KCNH7: variants seen among roughly 807,000 people sequenced by gnomAD.
KCNH7 encodes the protein voltage-gated inwardly rectifying potassium channel KCNH7.
Under a neutral mutation model 120.8 loss-of-function variants are expected in KCNH7, and 49 were observed. The ratio of observed to expected loss-of-function variants is 0.41; its 90% CI spans 0.32 to 0.51. The LOEUF (loss-of-function observed/expected upper bound fraction) is 0.51. Among genes scored for constraint, KCNH7 ranks in the 20% least tolerant of loss-of-function variants. The pLI is 0.38. For synonymous variants in KCNH7, 547 were observed against 516.1 expected (o/e 1.06, Z -0.81); for missense variants, 1,097 against 1,446.6 (o/e 0.76, Z 3.92).
chr2:162,385,036 G>T, intron 12 of KCNH7, 97 bp from the exon 13 acceptor site: 2 of 913,932 alleles, frequency 2.2e-6, no homozygotes, highest in South Asian at 4.2e-5. Flanking sequence ...ATATAAACTA[G>T]CTTTTTCCTA....
At chr2:162,378,052 C>T (rs1686275208) in intron 14 of KCNH7, among the ~76,000 whole-genome samples, 1 of 152,126 alleles carries the variant, frequency 6.6e-6, no homozygotes, top group Admixed American at 6.6e-5. Flanking sequence ...AATTTTAGTT[C>T]TGATGAAAGG....
At chr2:162,650,339 T>C (rs796776378) in intron 2 of KCNH7, among the ~76,000 whole-genome samples, 5 of 152,326 alleles carry the variant, frequency 3.3e-5, no homozygotes, top group African/African-American at 7.2e-5. Context: ...TGTGAAGATA[T>C]GTATGAGCCA....
chr2:162,509,206 C>T (rs978224671), intron 5 of KCNH7, among the ~76,000 whole-genome samples: 16 of 151,400 alleles, frequency 1.1e-4, no homozygotes, highest in African/African-American at 2.9e-4. Context: ...AAAATTTATA[C>T]GATGAGGCTA....
chr2:162,597,076 C>T (rs765303670), intron 2 of KCNH7, among the ~76,000 whole-genome samples: 8 of 151,934 alleles, frequency 5.3e-5, no homozygotes, highest in Non-Finnish European at 1.2e-4. Flanking sequence ...GACAAAAGTC[C>T]GAGCCTTGTA....
chr2:162,748,843 C>G (rs1688415168), intron 2 of KCNH7, among the ~76,000 whole-genome samples: 1 of 95,286 alleles, frequency 1.0e-5, no homozygotes, highest in African/African-American at 4.6e-5. Flanking sequence ...CTCCTCTCCC[C>G]TCCCTCCCCT....
chr2:162,708,978 A>G (rs2105354680), intron 2 of KCNH7, among the ~76,000 whole-genome samples: 1 of 152,208 alleles, frequency 6.6e-6, no homozygotes, highest in African/African-American at 2.4e-5. Context: ...TAGTGCTACT[A>G]TTTAAGGAAT....
chr2:162,832,604 T>A (rs1373253751), intron 2 of KCNH7, among the ~76,000 whole-genome samples: 2 of 152,094 alleles, frequency 1.3e-5, no homozygotes, highest in Non-Finnish European at 2.9e-5. Flanking sequence ...ATTTAGAGGA[T>A]GGAAATGAAT....
At chr2:162,782,329 G>A (rs1301315120) in intron 2 of KCNH7, among the ~76,000 whole-genome samples, 3 of 152,138 alleles carry the variant, frequency 2.0e-5, no homozygotes, top group African/African-American at 7.2e-5. Context: ...GAAGTAAGGG[G>A]CACAGTTTTA....
intron 6 of KCNH7, among the ~76,000 whole-genome samples, chr2:162,460,027 G>T (rs1689093381): frequency 1.3e-5 from 2 of 150,202 alleles, no homozygotes; most frequent in South Asian, 4.2e-4. Flanking sequence ...CCGGGAGGTG[G>T]AGGTTACAGT....
At chr2:162,569,151 TCTGGTC>T (rs1335704432) in intron 2 of KCNH7, among the ~76,000 whole-genome samples, 1 of 151,964 alleles carries the variant, frequency 6.6e-6, no homozygotes, top group Admixed American at 6.6e-5. Flanking sequence ...TGTGAATCCA[TCTGGTC>T]CTGGACTCTT....
intron 2 of KCNH7, among the ~76,000 whole-genome samples, chr2:162,555,434 T>A (rs1188966845): frequency 6.6e-6 from 1 of 152,194 alleles, no homozygotes; most frequent in Non-Finnish European, 1.5e-5. Flanking sequence ...ATCCTTTAGG[T>A]CATTTCAATT....
chr2:162,821,435 T>G (rs1685117526), intron 2 of KCNH7, among the ~76,000 whole-genome samples: 1 of 152,222 alleles, frequency 6.6e-6, no homozygotes, highest in Non-Finnish European at 1.5e-5. Context: ...CAAGATACTG[T>G]CTTTGTCTAC....
At chr2:162,723,111 G>T (rs1394500056) in intron 2 of KCNH7, among the ~76,000 whole-genome samples, 4 of 150,756 alleles carry the variant, frequency 2.7e-5, no homozygotes, top group African/African-American at 9.7e-5. Context: ...TATAATTTAG[G>T]TAAATTATAT....
intron 2 of KCNH7, among the ~76,000 whole-genome samples, chr2:162,783,543 C>T (rs1683582940): frequency 6.6e-6 from 1 of 152,110 alleles, no homozygotes; most frequent in South Asian, 2.1e-4. Flanking sequence ...TAGCTTGATC[C>T]AAGGTTTAAG....
intron 2 of KCNH7, among the ~76,000 whole-genome samples, chr2:162,636,534 C>G (rs377356185): frequency 3.9e-5 from 6 of 152,002 alleles, no homozygotes; most frequent in African/African-American, 1.4e-4. Context: ...TGTTGCCAGG[C>G]CTGGATGATT....
intron 2 of KCNH7, among the ~76,000 whole-genome samples, chr2:162,565,524 G>A (rs1024213926): frequency 1.3e-5 from 2 of 151,834 alleles, no homozygotes; most frequent in African/African-American, 4.8e-5. Context: ...AAAATAAGAT[G>A]GAAAGAAAAA....
At chr2:162,664,165 G>A (rs1312362838) in intron 2 of KCNH7, among the ~76,000 whole-genome samples, 2 of 151,814 alleles carry the variant, frequency 1.3e-5, no homozygotes, top group African/African-American at 4.8e-5. Flanking sequence ...CTTTCCAACT[G>A]TTTTAAATTC....
At chr2:162,699,048 C>T (rs901975536) in intron 2 of KCNH7, among the ~76,000 whole-genome samples, 2 of 152,004 alleles carry the variant, frequency 1.3e-5, no homozygotes, top group Admixed American at 1.3e-4. Context: ...TTAACATATG[C>T]ATTACCTCAC....
In KCNH7 at chr2:162,458,407, G is replaced by A. The variant is rs955326544; in HGVS notation, c.1129-11964C>T. Among the ~76,000 whole-genome samples the A allele has an allele frequency of 2.0e-5, 3 of 152,128 alleles. No individual in the cohort carries two copies. In the East Asian group the frequency reaches 5.8e-4, roughly 29 times the overall value. On this transcript the variant is annotated intron_variant, in intron 6 of 15. Coordinates refer to ENST00000332142, the MANE Select transcript of KCNH7 (RefSeq NM_033272.4). The stretch of plus-strand genomic sequence containing the variant: ...CCAAGCCACCCACCAGCAACATAAT[G>A]CCTCTTGGTTTTGTCTCGCAGCTCC...
Sources: gnomAD v4.1 joint callset for allele counts (sites outside exome capture counted in the v4.1 genomes callset) on GRCh38, gnomAD v4.1.1 for gene constraint, MANE v1.5 for transcripts, NCBI Gene and HGNC (gene_info 2026-07-23, HGNC 2026-07-21) for gene names.